SNX25: variants seen among roughly 807,000 people sequenced by gnomAD.
SNX25 encodes sorting nexin 25, also known as sorting nexin-25.
SNX25 carries 62 observed loss-of-function variants against 113.7 expected under a neutral mutation model. The observed-to-expected ratio is 0.55, with a 90% CI of 0.44 to 0.67. The LOEUF is 0.67. SNX25 is among the 30% of genes least tolerant of loss of function. SNX25 has a pLI of 0.00. For missense variants in SNX25, 1,014 were observed against 1,161.0 expected (o/e 0.87, Z 1.84); for synonymous variants, 421 against 436.2 (o/e 0.97, Z 0.43).
At chr4:185,264,638 T>G (rs1276295590) in intron 4 of SNX25, 28 bp downstream of exon 4, 1 of 1,608,552 alleles carries the variant, frequency 6.2e-7, no homozygotes, top group South Asian at 1.1e-5. Context: ...ATTTCACTAA[T>G]TCAATAAGTG....
At chr4:185,238,899 A>G (rs1476518836) in intron 1 of SNX25, among the ~76,000 whole-genome samples, 1 of 152,198 alleles carries the variant, frequency 6.6e-6, no homozygotes, top group African/African-American at 2.4e-5. Flanking sequence ...CCCAGTGAGC[A>G]GTGTCCTACT....
At chr4:185,254,497 C>T (rs1364318944) in intron 2 of SNX25, among the ~76,000 whole-genome samples, 1 of 152,142 alleles carries the variant, frequency 6.6e-6, no homozygotes, top group Non-Finnish European at 1.5e-5. Context: ...GGGGAAAAGA[C>T]AAGGGTGGGA....
At chr4:185,245,056 G>C (rs979416300) in intron 1 of SNX25, among the ~76,000 whole-genome samples, 13 of 152,048 alleles carry the variant, frequency 8.5e-5, no homozygotes, top group Non-Finnish European at 1.9e-4. Flanking sequence ...TTGTTTGTAG[G>C]ATGAGGGCAA....
At chr4:185,289,701 T>TG (rs1320851404) in intron 6 of SNX25, among the ~76,000 whole-genome samples, 3 of 152,206 alleles carry the variant, frequency 2.0e-5, no homozygotes, top group African/African-American at 7.2e-5. Flanking sequence ...TCACTGTTCT[T>TG]GCAGAGAAGA....
chr4:185,368,683 A>C (rs1033118803), downstream of SNX25, among the ~76,000 whole-genome samples: 5 of 152,180 alleles, frequency 3.3e-5, no homozygotes, highest in Admixed American at 6.5e-5. Context: ...AACTGAGTAC[A>C]GTATTCTAGA....
chr4:185,293,428 G>A (rs567838225), intron 6 of SNX25, among the ~76,000 whole-genome samples: 3 of 152,246 alleles, frequency 2.0e-5, no homozygotes, highest in Admixed American at 2.0e-4. Flanking sequence ...AGACAAGGGA[G>A]TATTATTCAA....
intron 12 of SNX25, among the ~76,000 whole-genome samples, chr4:185,345,739 C>T (rs1479608750): frequency 6.6e-6 from 1 of 151,860 alleles, no homozygotes; most frequent in Non-Finnish European, 1.5e-5. Context: ...TGCCATGAGC[C>T]ATGATCACGC....
intron 13 of SNX25, among the ~76,000 whole-genome samples, chr4:185,348,516 C>A (rs895765211): frequency 1.3e-5 from 2 of 152,162 alleles, no homozygotes; most frequent in Non-Finnish European, 2.9e-5. Context: ...CCTCAGCCCC[C>A]CAAGTAGCTG....
chr4:185,324,259 A>T (rs2095140460), intron 9 of SNX25, among the ~76,000 whole-genome samples: 1 of 152,354 alleles, frequency 6.6e-6, no homozygotes, highest in Admixed American at 6.5e-5. Context: ...GGAGAAGTTA[A>T]AGGAAATATT....
intron 5 of SNX25, among the ~76,000 whole-genome samples, chr4:185,268,922 C>G (rs1470963406): frequency 6.6e-6 from 1 of 152,032 alleles, no homozygotes; most frequent in African/African-American, 2.4e-5. Flanking sequence ...GATTTGTTTA[C>G]AAGGAATTTA....
chr4:185,284,860 G>T (rs1340238245), intron 5 of SNX25, among the ~76,000 whole-genome samples: 3 of 152,132 alleles, frequency 2.0e-5, no homozygotes, highest in African/African-American at 4.8e-5. Context: ...TAAGCAAGAA[G>T]CTTATTTAGA....
At chr4:185,222,430 G>A (rs1247502228) in intron 1 of SNX25, among the ~76,000 whole-genome samples, 4 of 152,012 alleles carry the variant, frequency 2.6e-5, no homozygotes, top group Admixed American at 2.6e-4. Flanking sequence ...TAGGTATTCA[G>A]CGCCCTATAC....
intron 1 of SNX25, among the ~76,000 whole-genome samples, chr4:185,239,299 C>T (rs111483173): frequency 0.23 from 34,475 of 151,346 alleles, 4,084 homozygotes; most frequent in Middle Eastern, 0.27. Context: ...CTGGCCAACA[C>T]GGTGAAACTC....
chr4:185,339,629 A>C (rs957134758), intron 11 of SNX25, 119 bp downstream of exon 11: 1 of 1,287,186 alleles, frequency 7.8e-7, no homozygotes, highest in Non-Finnish European at 1.0e-6. Flanking sequence ...TTTAGACCAT[A>C]TTTGTCCTAC....
At chr4:185,299,684 A>G (rs925089193) in intron 6 of SNX25, among the ~76,000 whole-genome samples, 2 of 152,224 alleles carry the variant, frequency 1.3e-5, no homozygotes, top group African/African-American at 4.8e-5. Context: ...GAAATGGTCT[A>G]TTAAAATAAG....
At chr4:185,302,540 TGTG>T (rs1753857124) in intron 6 of SNX25, among the ~76,000 whole-genome samples, 1 of 152,174 alleles carries the variant, frequency 6.6e-6, no homozygotes, top group South Asian at 2.1e-4. Flanking sequence ...TATTGATTGT[TGTG>T]GTGTGAAAGC....
intron 1 of SNX25, among the ~76,000 whole-genome samples, chr4:185,221,664 T>C (rs1446099561): frequency 6.6e-6 from 1 of 152,148 alleles, no homozygotes; most frequent in African/African-American, 2.4e-5. Flanking sequence ...TTAAAATCTT[T>C]CAGTAACTTC....
At chr4:185,246,675 ATC>A (rs1303508027) in intron 1 of SNX25, among the ~76,000 whole-genome samples, 2 of 152,206 alleles carry the variant, frequency 1.3e-5, no homozygotes, top group African/African-American at 4.8e-5. Flanking sequence ...CGATTGCATC[ATC>A]TTTTGTGAAA....
intron 1 of SNX25, among the ~76,000 whole-genome samples, chr4:185,212,894 T>C (rs1445745754): frequency 2.0e-5 from 3 of 152,224 alleles, no homozygotes; most frequent in Admixed American, 2.0e-4. Flanking sequence ...TTTTGAGTTC[T>C]CCTAGTGTGA....
Sources: gnomAD v4.1 joint callset for allele counts (sites outside exome capture counted in the v4.1 genomes callset) on GRCh38, gnomAD v4.1.1 for gene constraint, MANE v1.5 for transcripts, NCBI Gene and HGNC (gene_info 2026-07-23, HGNC 2026-07-21) for gene names.